ZNF609: variants seen among roughly 807,000 people sequenced by gnomAD.
The protein encoded by ZNF609 is zinc finger protein 609.
ZNF609 carries 11 observed loss-of-function variants against 109.5 expected under a neutral mutation model. The ratio of observed to expected loss-of-function variants is 0.10; its 90% CI spans 0.06 to 0.17. The LOEUF is 0.17. Ranked by LOEUF, ZNF609 falls within the 10% of genes least tolerant of loss-of-function variation. The pLI, the probability that ZNF609 is intolerant of heterozygous loss-of-function variation, is 1.00. For missense variants in ZNF609, 1,559 were observed against 1,772.4 expected (o/e 0.88, Z 2.16); for synonymous variants, 646 against 662.0 (o/e 0.98, Z 0.37).
At chr15:64,661,972 T>C (rs565720592) in intron 3 of ZNF609, among the ~76,000 whole-genome samples, 1 of 152,318 alleles carries the variant, frequency 6.6e-6, no homozygotes, top group South Asian at 2.1e-4. Flanking sequence ...AGAGTTTCTG[T>C]GGCTCAGGAA....
At chr15:64,497,277 A>C (rs1432994194) in intron 1 of ZNF609, among the ~76,000 whole-genome samples, 3 of 152,166 alleles carry the variant, frequency 2.0e-5, no homozygotes, top group Non-Finnish European at 4.4e-5. Context: ...GGTTGCTGTT[A>C]ACACTAAGAT....
rs561272532 is a variant in ZNF609, at chr15:64,684,696, T to TA, written c.*3011dup. ...ACGTTTAAGGGGCCATGGCAGGACT[T>TA]AGAGTTGCGAGTTAAGACTGCAGAG... On this transcript the variant is annotated 3_prime_UTR_variant, in exon 10 of 10. Transcript: ENST00000326648. 690 of 152,772 alleles carry TA rather than the reference T, an allele frequency of 4.5e-3. 1 individual carries two copies. The highest frequency in any genetic ancestry group is 7.6e-3 in the Non-Finnish European group (520 of 68,048). The allele number at this position is 152,772 out of a possible 1,614,324, so 9.5% of individuals were successfully genotyped here. A position where few individuals can be genotyped will look rare whatever the true frequency, so the allele number is the denominator to read the frequency against.
At chr15:64,461,515 T>C (rs552380979) in intron 1 of ZNF609, among the ~76,000 whole-genome samples, 15 of 152,244 alleles carry the variant, frequency 9.9e-5, no homozygotes, top group Middle Eastern at 3.4e-3. Flanking sequence ...GGTTGGATCA[T>C]CTCTGTGCTT....
intron 2 of ZNF609, among the ~76,000 whole-genome samples, chr15:64,615,045 C>T (rs998307082): frequency 6.6e-6 from 1 of 152,096 alleles, no homozygotes; most frequent in Non-Finnish European, 1.5e-5. Context: ...TCTCAAACTC[C>T]TGACCTCGTG....
chr15:64,627,451 T>C (rs1372746508), intron 3 of ZNF609, among the ~76,000 whole-genome samples: 1 of 152,102 alleles, frequency 6.6e-6, no homozygotes, highest in Non-Finnish European at 1.5e-5. Context: ...ACCAGTGATG[T>C]AGTTTACTTT....
At chr15:64,681,648 C>A in intron 9 of ZNF609, 44 bp from the exon 10 acceptor site, 1 of 374,026 alleles carries the variant, frequency 2.7e-6, no homozygotes. Flanking sequence ...GTTTTTTTAC[C>A]AACAGGCTGA....
intron 2 of ZNF609, among the ~76,000 whole-genome samples, chr15:64,570,026 TCTTA>T (rs1406658164): frequency 2.0e-5 from 3 of 152,338 alleles, no homozygotes; most frequent in East Asian, 1.9e-4. Context: ...ACTCTTTCTT[TCTTA>T]CTTTTTAAAA....
chr15:64,672,617 T>G (rs1896749814), intron 4 of ZNF609, among the ~76,000 whole-genome samples: 1 of 123,760 alleles, frequency 8.1e-6, no homozygotes, highest in Non-Finnish European at 1.7e-5. Flanking sequence ...AGAGCAACAC[T>G]CCATCTCAAA....
At chr15:64,649,400 T>C (rs767328539) in intron 3 of ZNF609, among the ~76,000 whole-genome samples, 4 of 150,672 alleles carry the variant, frequency 2.7e-5, no homozygotes, top group African/African-American at 1.0e-4. Context: ...TCTCACACTC[T>C]CTCTCACACA....
intron 2 of ZNF609, among the ~76,000 whole-genome samples, chr15:64,564,276 G>A (rs1894739014): frequency 6.6e-6 from 1 of 152,038 alleles, no homozygotes; most frequent in Non-Finnish European, 1.5e-5. Context: ...CGGGGGTCTT[G>A]GAATGTATCC....
chr15:64,576,645 A>T (rs533790528), intron 2 of ZNF609, among the ~76,000 whole-genome samples: 1 of 151,728 alleles, frequency 6.6e-6, no homozygotes, highest in African/African-American at 2.4e-5. Context: ...GAATCCTCAA[A>T]ATAGTGGATG....
chr15:64,681,498 C>T (rs1329902444), intron 9 of ZNF609, 111 bp downstream of exon 9: 1 of 890,930 alleles, frequency 1.1e-6, no homozygotes. Flanking sequence ...GTCTGGAATC[C>T]ATGGAACCCT....
chr15:64,628,385 G>T (rs562708338), intron 3 of ZNF609, among the ~76,000 whole-genome samples: 2 of 151,900 alleles, frequency 1.3e-5, no homozygotes, highest in Admixed American at 6.6e-5. Context: ...GGACGGGCAC[G>T]GTGGCTCACA....
At chr15:64,523,301 A>G (rs879449141) in intron 2 of ZNF609, among the ~76,000 whole-genome samples, 4 of 152,192 alleles carry the variant, frequency 2.6e-5, no homozygotes, top group African/African-American at 4.8e-5. Context: ...TCCCTTGCAT[A>G]ACTGGAGAGA....
intron 3 of ZNF609, among the ~76,000 whole-genome samples, chr15:64,656,302 G>T (rs944929542): frequency 6.6e-6 from 1 of 152,158 alleles, no homozygotes; most frequent in Non-Finnish European, 1.5e-5. Flanking sequence ...GACCTCAAGT[G>T]ATCAGCCTGC....
chr15:64,555,137 G>A (rs1394777066), intron 2 of ZNF609, among the ~76,000 whole-genome samples: 1 of 151,842 alleles, frequency 6.6e-6, no homozygotes, highest in African/African-American at 2.4e-5. Flanking sequence ...GACCAAGGTG[G>A]GAGGATCGTT....
intron 3 of ZNF609, among the ~76,000 whole-genome samples, chr15:64,661,142 TG>T (rs1330541216): frequency 6.6e-6 from 1 of 151,968 alleles, no homozygotes; most frequent in Admixed American, 6.6e-5. Context: ...TGGTATTTTT[TG>T]TAGAGACAGG....
At position 64,619,215 on chromosome 15, in the gene ZNF609, G is replaced by T. The variant is rs912157889; in HGVS notation, c.748-3612G>T. 3.9e-5 allele frequency among the ~76,000 whole-genome samples: 6 copies of T among 152,252 alleles called. No homozygotes were observed. The East Asian group carries it at 1.2e-3, about 29-fold the overall frequency. Reference sequence around the variant, plus strand: ...GGGTCTCACAATGTTGCCCTGGCTGGTCTCAAACTCCTGGACTCAAGCACT... The same window carrying T: ...GGGTCTCACAATGTTGCCCTGGCTGTTCTCAAACTCCTGGACTCAAGCACT... On this transcript the variant is annotated intron_variant, in intron 2 of 9. Coordinates refer to ENST00000326648, the MANE Select transcript of ZNF609 (RefSeq NM_015042.2).
intron 3 of ZNF609, among the ~76,000 whole-genome samples, chr15:64,663,886 G>A (rs1896611928): frequency 1.3e-5 from 2 of 152,162 alleles, no homozygotes; most frequent in Admixed American, 1.3e-4. Context: ...CTGAAACAAA[G>A]CAGTGCTGCT....
Sources: gnomAD v4.1 joint callset for allele counts (sites outside exome capture counted in the v4.1 genomes callset) on GRCh38, gnomAD v4.1.1 for gene constraint, MANE v1.5 for transcripts, NCBI Gene and HGNC (gene_info 2026-07-23, HGNC 2026-07-21) for gene names.